Variants in FAM110B observed in about 807,000 individuals in gnomAD.
The protein encoded by FAM110B is protein FAM110B.
FAM110B carries 6 observed loss-of-function variants against 20.4 expected under a neutral mutation model. The ratio of observed to expected loss-of-function variants is 0.29; its 90% confidence interval spans 0.16 to 0.58. The LOEUF is 0.58. FAM110B is among the 20% of genes least tolerant of loss of function. The probability of loss-of-function intolerance (pLI) is 0.90; values close to 1 mark genes in which losing one functional copy is unlikely to be tolerated. For missense variants in FAM110B, 434 were observed against 498.2 expected (o/e 0.87, Z 1.23); for synonymous variants, 226 against 214.1 (o/e 1.06, Z -0.49).
intron 2 of FAM110B, among the ~76,000 whole-genome samples, chr8:58,065,720 G>C (rs971705305): frequency 5.9e-5 from 9 of 152,106 alleles, no homozygotes; most frequent in Admixed American, 5.9e-4. Flanking sequence ...ATTGAGTCTG[G>C]AGTTGCTGAG....
chr8:58,109,504 A>G (rs1807006461), intron 3 of FAM110B, among the ~76,000 whole-genome samples: 1 of 152,162 alleles, frequency 6.6e-6, no homozygotes, highest in African/African-American at 2.4e-5. Flanking sequence ...GTTTCCTATG[A>G]TACTGATCCT....
chr8:58,113,757 T>G (rs1386209906), intron 3 of FAM110B: 2 of 152,192 alleles, frequency 1.3e-5, no homozygotes. Context: ...GAAATAAATC[T>G]CCGACTGGAA....
chr8:58,049,610 C>A (rs1039018512), intron 2 of FAM110B, among the ~76,000 whole-genome samples: 3 of 152,176 alleles, frequency 2.0e-5, no homozygotes, highest in Admixed American at 2.0e-4. Flanking sequence ...TCCCTGGCTA[C>A]ACTGAATCTT....
intron 1 of FAM110B, among the ~76,000 whole-genome samples, chr8:57,997,619 C>T (rs1804212146): frequency 6.6e-6 from 1 of 152,172 alleles, no homozygotes; most frequent in South Asian, 2.1e-4. Context: ...CTTTGATTTG[C>T]ATCATTCTTC....
chr8:58,031,171 CT>C (rs1047763530), intron 1 of FAM110B, among the ~76,000 whole-genome samples: 1 of 152,170 alleles, frequency 6.6e-6, no homozygotes, highest in African/African-American at 2.4e-5. Context: ...TATCTTCTCC[CT>C]TTGCAAATAT....
chr8:58,065,749 T>G (rs1805746200), intron 2 of FAM110B, among the ~76,000 whole-genome samples: 1 of 152,118 alleles, frequency 6.6e-6, no homozygotes, highest in Non-Finnish European at 1.5e-5. Flanking sequence ...GTAACCACCC[T>G]GGACCATTTC....
chr8:58,140,546 C>T (rs892585629), intron 3 of FAM110B, among the ~76,000 whole-genome samples: 17 of 152,202 alleles, frequency 1.1e-4, no homozygotes, highest in Non-Finnish European at 1.5e-4. Context: ...AGCTCTGACT[C>T]ACCTCTGTGC....
chr8:58,125,749 CTTG>C (rs1807484903), intron 3 of FAM110B, among the ~76,000 whole-genome samples: 1 of 152,104 alleles, frequency 6.6e-6, no homozygotes, highest in South Asian at 2.1e-4. Flanking sequence ...ATTTTAACCT[CTTG>C]TTATTTTTTA....
At chr8:58,076,045 ACT>A (rs1272959109) in intron 3 of FAM110B, among the ~76,000 whole-genome samples, 1 of 151,630 alleles carries the variant, frequency 6.6e-6, no homozygotes, top group Non-Finnish European at 1.5e-5. Context: ...GCAGCCTTGA[ACT>A]CCTGGGGTCA....
At chr8:58,089,516 T>C (rs958644405) in intron 3 of FAM110B, among the ~76,000 whole-genome samples, 1 of 152,228 alleles carries the variant, frequency 6.6e-6, no homozygotes, top group African/African-American at 2.4e-5. Context: ...TCTTCCCTAT[T>C]AGCAGACATC....
chr8:58,038,633 T>C (rs1805138314), intron 2 of FAM110B, among the ~76,000 whole-genome samples: 2 of 152,040 alleles, frequency 1.3e-5, no homozygotes, highest in Admixed American at 1.3e-4. Flanking sequence ...AGGCCTGTAA[T>C]CCCAGCTACT....
chr8:58,055,313 G>A (rs982917645), intron 2 of FAM110B, among the ~76,000 whole-genome samples: 2 of 152,208 alleles, frequency 1.3e-5, no homozygotes, highest in Non-Finnish European at 2.9e-5. Flanking sequence ...ACCAGCAGAT[G>A]TGCAGTGCTG....
intron 2 of FAM110B, among the ~76,000 whole-genome samples, chr8:58,070,920 C>T (rs895387709): frequency 6.6e-6 from 1 of 152,104 alleles, no homozygotes; most frequent in East Asian, 1.9e-4. Context: ...TTTATTAAGC[C>T]TTTTGAATAC....
At chr8:58,105,119 GGGGGAGGT>G in intron 3 of FAM110B, among the ~76,000 whole-genome samples, 1 of 151,986 alleles carries the variant, frequency 6.6e-6, no homozygotes, top group Admixed American at 6.6e-5. Flanking sequence ...TCCTGTGTTA[GGGGGAGGT>G]GGTAATTTCT....
intron 1 of FAM110B, among the ~76,000 whole-genome samples, chr8:58,025,815 A>G (rs1221541346): frequency 1.3e-5 from 2 of 152,286 alleles, no homozygotes; most frequent in Admixed American, 6.5e-5. Context: ...AACTTCTGCT[A>G]CTCAGAATGA....
intron 3 of FAM110B, among the ~76,000 whole-genome samples, chr8:58,133,364 C>T (rs185609856): frequency 9.5e-4 from 144 of 152,264 alleles, no homozygotes; most frequent in African/African-American, 2.9e-3. Flanking sequence ...ACGAGAATCT[C>T]TACAAGGGAT....
intron 3 of FAM110B, among the ~76,000 whole-genome samples, chr8:58,090,096 G>A (rs1034137818): frequency 6.6e-6 from 1 of 152,168 alleles, no homozygotes; most frequent in African/African-American, 2.4e-5. Context: ...GTAAGATGAT[G>A]AGAATGAAGA....
At position 58,131,951 on chromosome 8, in the gene FAM110B, G is replaced by A. The variant is rs76464792; in HGVS notation, c.-324-13956G>A. On this transcript the variant is annotated intron_variant, in intron 3 of 3. Transcript: ENST00000519262. Reference sequence around the variant, plus strand: ...GGTTGAAGGATCTGTCGCCAGAGATGGGCTCAGGCTTCACCAGGATAAGCT... The same window carrying A: ...GGTTGAAGGATCTGTCGCCAGAGATAGGCTCAGGCTTCACCAGGATAAGCT... 4.4e-3 allele frequency among the ~76,000 whole-genome samples: 666 copies of A among 152,254 alleles called. 7 individuals are homozygous for A. The highest frequency in any genetic ancestry group is 0.015 in the African/African-American group (617 of 41,538).
intron 3 of FAM110B, among the ~76,000 whole-genome samples, chr8:58,140,798 G>T (rs1803728826): frequency 6.6e-6 from 1 of 152,076 alleles, no homozygotes; most frequent in African/African-American, 2.4e-5. Context: ...TCGCCTCCTG[G>T]GTCTTTATTG....
Sources: gnomAD v4.1 joint callset for allele counts (sites outside exome capture counted in the v4.1 genomes callset) on GRCh38, gnomAD v4.1.1 for gene constraint, MANE v1.5 for transcripts, NCBI Gene and HGNC (gene_info 2026-07-23, HGNC 2026-07-21) for gene names.